The following EPHA3 variants were observed in gnomAD, a reference collection of about 807,000 sequenced individuals.
EPHA3 encodes EPH receptor A3.
In EPHA3, 42 loss-of-function variants were observed where a neutral mutation model predicts 107.1. The ratio of observed to expected loss-of-function variants is 0.39; its 90% CI spans 0.31 to 0.51. The LOEUF (loss-of-function observed/expected upper bound fraction) is 0.51. Among genes scored for constraint, EPHA3 ranks in the 20% least tolerant of loss-of-function variants. The pLI is 0.78. For missense variants in EPHA3, 1,183 were observed against 1,211.2 expected, an observed-to-expected ratio of 0.98 and a Z score of 0.35; for synonymous variants, 461 against 424.8, an observed-to-expected ratio of 1.09 and a Z score of -1.05.
intron 2 of EPHA3, among the ~76,000 whole-genome samples, chr3:89,184,837 T>C (rs1466129958): frequency 6.6e-6 from 1 of 152,032 alleles, no homozygotes; most frequent in Non-Finnish European, 1.5e-5. Flanking sequence ...GCAGCAGTGA[T>C]ATTAGAATGT....
chr3:89,256,878 T>A lies in EPHA3; in HGVS notation c.814+46358T>A, dbSNP rs1236952161. ...AATGAATCTGAATCTATAGGAATCTTAATACATATGAGCACATGTCCTTAG... is the reference window on the plus strand; with the variant it reads ...AATGAATCTGAATCTATAGGAATCTAAATACATATGAGCACATGTCCTTAG... On this transcript the variant is annotated intron_variant, in intron 3 of 16. Transcript: ENST00000336596. Among the ~76,000 whole-genome samples the A allele has an allele frequency of 2.0e-5, 3 of 152,346 alleles. No individual in the cohort carries two copies. In the East Asian group the frequency reaches 5.8e-4, roughly 29 times the overall value.
chr3:89,207,588 G>GAA (rs56254511), intron 2 of EPHA3, among the ~76,000 whole-genome samples: 2 of 151,818 alleles, frequency 1.3e-5, no homozygotes, highest in East Asian at 1.9e-4. Context: ...AATAGAAATA[G>GAA]AAAAAACTGT....
intron 3 of EPHA3, among the ~76,000 whole-genome samples, chr3:89,312,367 T>G (rs74757178): frequency 8.8e-6 from 1 of 113,318 alleles, no homozygotes; most frequent in South Asian, 3.3e-4. Context: ...GCAATTCTGG[T>G]TTTTTTTTTT....
intron 3 of EPHA3, among the ~76,000 whole-genome samples, chr3:89,242,272 A>G (rs1704914508): frequency 6.6e-6 from 1 of 152,244 alleles, no homozygotes; most frequent in Admixed American, 6.5e-5. Flanking sequence ...GACCATTTCC[A>G]TTAAAAATAA....
At chr3:89,370,496 G>C (rs1344299150) in intron 5 of EPHA3, among the ~76,000 whole-genome samples, 1 of 151,524 alleles carries the variant, frequency 6.6e-6, no homozygotes, top group Admixed American at 6.6e-5. Flanking sequence ...ATCATACTCT[G>C]GGGACTGTTG....
intron 15 of EPHA3, among the ~76,000 whole-genome samples, chr3:89,471,285 G>C (rs1710396132): frequency 6.6e-6 from 1 of 152,018 alleles, no homozygotes; most frequent in Non-Finnish European, 1.5e-5. Context: ...CTGTTCCATT[G>C]ATTTACCAGG....
intron 3 of EPHA3, among the ~76,000 whole-genome samples, chr3:89,229,494 A>G (rs895027947): frequency 1.3e-5 from 2 of 151,540 alleles, no homozygotes; most frequent in African/African-American, 4.8e-5. Flanking sequence ...TCTCAGTATG[A>G]CATCAATTTC....
intron 2 of EPHA3, among the ~76,000 whole-genome samples, chr3:89,134,696 C>T (rs1704276884): frequency 6.6e-6 from 1 of 152,060 alleles, no homozygotes; most frequent in South Asian, 2.1e-4. Context: ...CACTATGCTC[C>T]TCATCTTCAA....
At chr3:89,421,532 TTCTTCAACA>T (rs1307405479) in intron 11 of EPHA3, among the ~76,000 whole-genome samples, 1 of 151,290 alleles carries the variant, frequency 6.6e-6, no homozygotes, top group Non-Finnish European at 1.5e-5. Flanking sequence ...ATAATCTAAC[TTCTTCAACA>T]TGTGTAATTA....
chr3:89,147,043 G>A (rs190484039), intron 2 of EPHA3, among the ~76,000 whole-genome samples: 50 of 151,974 alleles, frequency 3.3e-4, no homozygotes, highest in Admixed American at 1.4e-3. Context: ...CAGGGACACA[G>A]ATAAAGCTGG....
intron 3 of EPHA3, among the ~76,000 whole-genome samples, chr3:89,324,355 G>A (rs142389738): frequency 2.0e-5 from 3 of 151,442 alleles, no homozygotes; most frequent in Non-Finnish European, 4.4e-5. Context: ...ATTTTTAGTA[G>A]AGACGAGGTT....
intron 3 of EPHA3, among the ~76,000 whole-genome samples, chr3:89,292,530 A>C (rs1276581737): frequency 1.3e-5 from 2 of 152,202 alleles, no homozygotes; most frequent in Non-Finnish European, 2.9e-5. Context: ...TGTAGAAAGC[A>C]TACCTTTATT....
chr3:89,347,422 T>C (rs1707694301), intron 5 of EPHA3, among the ~76,000 whole-genome samples: 2 of 149,974 alleles, frequency 1.3e-5, no homozygotes. Context: ...GTTTGTCTGT[T>C]GTTGGTGTAT....
chr3:89,332,875 T>G (rs761404748), intron 3 of EPHA3, among the ~76,000 whole-genome samples: 1 of 152,082 alleles, frequency 6.6e-6, no homozygotes, highest in Non-Finnish European at 1.5e-5. Context: ...CAATTCAAAT[T>G]GAAATGAGCC....
intron 2 of EPHA3, among the ~76,000 whole-genome samples, chr3:89,198,774 T>C (rs1705902945): frequency 6.6e-6 from 1 of 152,196 alleles, no homozygotes; most frequent in Admixed American, 6.5e-5. Context: ...TGAATTACTG[T>C]GGCTGTGACC....
intron 2 of EPHA3, among the ~76,000 whole-genome samples, chr3:89,162,937 A>T (rs981156512): frequency 6.6e-6 from 1 of 152,224 alleles, no homozygotes; most frequent in Non-Finnish European, 1.5e-5. Context: ...CAGTCCTTCA[A>T]TGAAGAGGTA....
chr3:89,369,183 C>T (rs193008344), intron 5 of EPHA3, among the ~76,000 whole-genome samples: 1 of 150,956 alleles, frequency 6.6e-6, no homozygotes, highest in East Asian at 1.9e-4. Context: ...AAAGAGCCCG[C>T]ATCACCAAGT....
At chr3:89,150,592 A>G (rs1023933561) in intron 2 of EPHA3, among the ~76,000 whole-genome samples, 3 of 152,046 alleles carry the variant, frequency 2.0e-5, no homozygotes, top group Non-Finnish European at 4.4e-5. Flanking sequence ...ATGCACATAT[A>G]CATATTATTG....
intron 2 of EPHA3, among the ~76,000 whole-genome samples, chr3:89,204,076 G>C (rs1308483004): frequency 6.6e-6 from 1 of 152,134 alleles, no homozygotes; most frequent in Non-Finnish European, 1.5e-5. Context: ...ATTCTAAGCA[G>C]GGATCTTACA....
Sources: gnomAD v4.1 joint callset for allele counts (sites outside exome capture counted in the v4.1 genomes callset) on GRCh38, gnomAD v4.1.1 for gene constraint, MANE v1.5 for transcripts, NCBI Gene and HGNC (gene_info 2026-07-23, HGNC 2026-07-21) for gene names.